The following NHS variants were observed in gnomAD, a reference collection of about 807,000 sequenced individuals.
NHS encodes the protein NHS actin remodeling regulator.
NHS carries 5 observed loss-of-function variants against 72.5 expected under a neutral mutation model. That is an observed-to-expected ratio of 0.07 (90% CI 0.04 to 0.14). The LOEUF is 0.14. NHS is among the 10% of genes least tolerant of loss of function. The probability of loss-of-function intolerance (pLI) is 1.00; values close to 1 mark genes in which losing one functional copy is unlikely to be tolerated. For missense variants in NHS, 1,072 were observed against 1,355.7 expected, an observed-to-expected ratio of 0.79 and a Z score of 3.29; for synonymous variants, 464 against 547.7, an observed-to-expected ratio of 0.85 and a Z score of 2.13.
At chrX:17,491,055 A>G (rs1249578511) in intron 1 of NHS, among the ~76,000 whole-genome samples, 2 of 111,969 alleles carry the variant, frequency 1.8e-5, no homozygotes, top group African/African-American at 6.5e-5. Flanking sequence ...TAAATATACA[A>G]TCATGTCATC....
At chrX:17,561,574 G>GCGCA (rs879101977) in intron 1 of NHS, among the ~76,000 whole-genome samples, 59 of 65,402 alleles carry the variant, frequency 9.0e-4, no homozygotes, top group East Asian at 3.5e-3. Context: ...GCGCGCGCGC[G>GCGCA]CACACACACA....
intron 1 of NHS, among the ~76,000 whole-genome samples, chrX:17,510,189 C>A (rs781768680): frequency 3.6e-5 from 4 of 112,522 alleles, no homozygotes; most frequent in African/African-American, 1.3e-4. Flanking sequence ...TATCTCAGAT[C>A]ATATGAACCA....
chrX:17,387,283 C>T (rs1388400483), intron 1 of NHS, among the ~76,000 whole-genome samples: 5 of 111,706 alleles, frequency 4.5e-5, no homozygotes, highest in East Asian at 2.8e-4. Flanking sequence ...TTTGATCTCC[C>T]GGTGTAATTA....
At chrX:17,423,500 G>A (rs2064634362) in intron 1 of NHS, among the ~76,000 whole-genome samples, 1 of 111,320 alleles carries the variant, frequency 9.0e-6, no homozygotes, top group Non-Finnish European at 1.9e-5. Flanking sequence ...TGTCTGTCTT[G>A]CCTCTGGCCC....
At chrX:17,688,885 A>G (rs1013096416) in intron 2 of NHS, among the ~76,000 whole-genome samples, 1 of 111,974 alleles carries the variant, frequency 8.9e-6, no homozygotes, top group African/African-American at 3.3e-5. Flanking sequence ...AAGTAGCTTC[A>G]TTGTTTTAGA....
intron 1 of NHS, among the ~76,000 whole-genome samples, chrX:17,608,909 T>G (rs778466667): frequency 8.9e-6 from 1 of 112,055 alleles, no homozygotes; most frequent in South Asian, 3.7e-4. Context: ...AGCTTGAAAC[T>G]TGAGCAGTTT....
chrX:17,610,660 C>T, intron 1 of NHS, among the ~76,000 whole-genome samples: 1 of 112,334 alleles, frequency 8.9e-6, no homozygotes, highest in Non-Finnish European at 1.9e-5. Flanking sequence ...GATTTAGCTA[C>T]TGGAGTTTTG....
chrX:17,509,642 G>A (rs773986920), intron 1 of NHS, among the ~76,000 whole-genome samples: 1 of 112,339 alleles, frequency 8.9e-6, no homozygotes, highest in Non-Finnish European at 1.9e-5. Context: ...TTTATAACTT[G>A]CATCTCCATT....
At chrX:17,409,844 A>G (rs766506372) in intron 1 of NHS, among the ~76,000 whole-genome samples, 1 of 112,123 alleles carries the variant, frequency 8.9e-6, no homozygotes, top group Non-Finnish European at 1.9e-5. Flanking sequence ...TTCCTTTGGC[A>G]AATGGCACTG....
Position 17,724,219 on chromosome X carries a change from C to T in NHS, c.1109-80C>T, listed in dbSNP as rs771911688. On this transcript the variant is annotated intron_variant, in intron 5 of 8. Transcript: ENST00000676302. Reference sequence around the variant, plus strand: ...CCCAAACTCTTTCCTTACTTCCCGTCAAAAATATCACTGTGTTCCAAGTAA... The same window carrying T: ...CCCAAACTCTTTCCTTACTTCCCGTTAAAAATATCACTGTGTTCCAAGTAA... The T allele has an allele frequency of 1.2e-5, 14 of 1,166,726 alleles. 1 individual carries two copies. In the South Asian group the frequency reaches 2.3e-4, roughly 19 times the overall value.
At chrX:17,731,664 T>C (rs1006857967) in intron 8 of NHS, among the ~76,000 whole-genome samples, 194 bp from the exon 9 acceptor site, 1 of 111,678 alleles carries the variant, frequency 9.0e-6, no homozygotes, top group African/African-American at 3.3e-5. Context: ...AGAATTTCTC[T>C]CAGACTGTGG....
chrX:17,493,901 C>T (rs2065001435), intron 1 of NHS, among the ~76,000 whole-genome samples: 1 of 109,994 alleles, frequency 9.1e-6, no homozygotes, highest in Non-Finnish European at 1.9e-5. Flanking sequence ...GAGGGCAGGG[C>T]AGGGCAAAGG....
intron 1 of NHS, among the ~76,000 whole-genome samples, chrX:17,554,829 G>C (rs1387603662): frequency 2.8e-5 from 3 of 107,471 alleles, no homozygotes; most frequent in Admixed American, 9.6e-5. Context: ...AGGAATGGCT[G>C]TTTTCTTTTT....
At chrX:17,548,628 G>A (rs1407696523) in intron 1 of NHS, among the ~76,000 whole-genome samples, 1 of 111,694 alleles carries the variant, frequency 9.0e-6, no homozygotes, top group Non-Finnish European at 1.9e-5. Flanking sequence ...ACATGCATGT[G>A]CCCATACACA....
intron 1 of NHS, among the ~76,000 whole-genome samples, chrX:17,568,647 GTTATTATTA>G (rs35281549): frequency 4.6e-4 from 42 of 92,119 alleles, no homozygotes; most frequent in South Asian, 4.1e-3. Flanking sequence ...AGGTTACTTA[GTTATTATTA>G]TTATTATTAT....
intron 1 of NHS, among the ~76,000 whole-genome samples, chrX:17,539,102 C>T (rs1385198873): frequency 8.9e-6 from 1 of 112,492 alleles, no homozygotes; most frequent in East Asian, 2.8e-4. Context: ...GCATTGCCCC[C>T]TTGTTGCTTC....
At chrX:17,376,472 T>G in intron 1 of NHS, 150 bp downstream of exon 1, 3 of 530,866 alleles carry the variant, frequency 5.7e-6, no homozygotes, top group Middle Eastern at 5.4e-4. Flanking sequence ...TCCCATCCCC[T>G]GGGACCCACC....
At chrX:17,705,911 A>G (rs780021359) in intron 3 of NHS, among the ~76,000 whole-genome samples, 2 of 112,384 alleles carry the variant, frequency 1.8e-5, no homozygotes, top group Middle Eastern at 4.6e-3. Context: ...TAAGGTCATG[A>G]AAAACAAAGA....
chrX:17,445,489 T>C (rs948994487), intron 1 of NHS, among the ~76,000 whole-genome samples: 3 of 110,711 alleles, frequency 2.7e-5, no homozygotes, highest in African/African-American at 3.3e-5. Context: ...GATTCACCCA[T>C]GTTGTTGTGT....
Sources: allele counts gnomAD v4.1 joint callset (sites outside exome capture counted in the v4.1 genomes callset), GRCh38; gene constraint gnomAD v4.1.1; transcripts MANE v1.5; gene names NCBI Gene and HGNC (gene_info 2026-07-23, HGNC 2026-07-21).